FLRT1: variants seen among roughly 807,000 people sequenced by gnomAD.
FLRT1 encodes the protein leucine-rich repeat transmembrane protein FLRT1.
Under a neutral mutation model 30.9 loss-of-function variants are expected in FLRT1, and 14 were observed. The ratio of observed to expected loss-of-function variants is 0.45; its 90% CI spans 0.30 to 0.71. The LOEUF is 0.71. FLRT1 is among the 30% of genes least tolerant of loss of function. FLRT1 has a pLI of 0.08. For missense variants in FLRT1, 737 were observed against 949.2 expected, an observed-to-expected ratio of 0.78 and a Z score of 2.94; for synonymous variants, 368 against 430.4, an observed-to-expected ratio of 0.85 and a Z score of 1.80.
Position 64,118,184 on chromosome 11 carries a change from C to G in FLRT1, c.1917C>G (p.Phe639Leu). 6.2e-7 allele frequency: 1 copy of G among 1,613,480 alleles called. No homozygotes were observed. Among genetic ancestry groups the G allele is most frequent in the African/African-American group, 1.3e-5 (1 of 75,074 alleles). Residue 639 changes from phenylalanine to leucine, a missense_variant, in exon 3 of 3, where the codon TTC becomes TTG. Physicochemically the swap from Phe to Leu is conservative, Grantham distance 22 (BLOSUM62 0). Coordinates refer to ENST00000682287, the MANE Select transcript of FLRT1 (RefSeq NM_013280.5). Reference protein sequence around the residue: ...AKEEYVVHTIFPSNGSSLCKA... With the variant: ...AKEEYVVHTILPSNGSSLCKA... ...AAGAGTACGTGGTCCACACTATCTTCCCCTCCAACGGCAGCAGCCTCTGCA... is the reference window on the plus strand; with the variant it reads ...AAGAGTACGTGGTCCACACTATCTTGCCCTCCAACGGCAGCAGCCTCTGCA...
chr11:64,102,635 C>T (rs2134563273), intron 1 of FLRT1, among the ~76,000 whole-genome samples: 1 of 152,332 alleles, frequency 6.6e-6, no homozygotes, highest in East Asian at 1.9e-4. Flanking sequence ...CCAGTCCTTC[C>T]ACCCCCAGGG....
At chr11:64,095,143 AG>A (rs1484569043) in intron 1 of FLRT1, among the ~76,000 whole-genome samples, 1 of 152,236 alleles carries the variant, frequency 6.6e-6, no homozygotes, top group African/African-American at 2.4e-5. Context: ...AAGATGGGGA[AG>A]GAACGACATT....
chr11:64,047,625 G>A (rs1203314232), intron 1 of FLRT1, among the ~76,000 whole-genome samples: 2 of 152,064 alleles, frequency 1.3e-5, no homozygotes, highest in Non-Finnish European at 2.9e-5. Context: ...GGCCGGGCGC[G>A]GTGGCTTATG....
At chr11:64,111,829 G>A (rs1170296982) in intron 2 of FLRT1, among the ~76,000 whole-genome samples, 1 of 152,246 alleles carries the variant, frequency 6.6e-6, no homozygotes, top group Non-Finnish European at 1.5e-5. Context: ...GAGGTGGTCA[G>A]ATAAGGGTCA....
At chr11:64,105,397 G>A (rs566111582) in intron 2 of FLRT1, among the ~76,000 whole-genome samples, 1 of 152,332 alleles carries the variant, frequency 6.6e-6, no homozygotes, top group East Asian at 1.9e-4. Context: ...AGAAACAAAC[G>A]CTCTGGGCAG....
intron 1 of FLRT1, among the ~76,000 whole-genome samples, chr11:64,041,271 C>T (rs961857078): frequency 6.9e-6 from 1 of 144,730 alleles, no homozygotes; most frequent in Non-Finnish European, 1.5e-5. Context: ...GGAGGGAATG[C>T]CTTCCGTGAG....
At chr11:64,101,026 G>A (rs1171500323) in intron 1 of FLRT1, among the ~76,000 whole-genome samples, 1 of 152,130 alleles carries the variant, frequency 6.6e-6, no homozygotes, top group Admixed American at 6.5e-5. Context: ...CCAGGTGCTG[G>A]GGGATCCAGC....
At position 64,117,709 on chromosome 11, in the gene FLRT1, C is replaced by T. The variant is rs759925523; in HGVS notation, c.1442C>T (p.Thr481Met). ...LGHSPAVGSI[T>M]ETLVQGDKTE... Reference sequence around the variant, plus strand: ...CACAGCCCAGCCGTGGGCTCCATCACGGAGACCTTGGTGCAGGGGGACAAG... The same window carrying T: ...CACAGCCCAGCCGTGGGCTCCATCATGGAGACCTTGGTGCAGGGGGACAAG... Residue 481 changes from threonine (T) to methionine (M), a missense_variant, in exon 3 of 3, where the codon ACG becomes ATG. By Grantham distance (81) the Thr-to-Met change is moderately conservative. Coordinates refer to ENST00000682287, the MANE Select transcript of FLRT1 (RefSeq NM_013280.5). The T allele has an allele frequency of 8.7e-6, 14 of 1,613,588 alleles. No homozygotes were observed. Among genetic ancestry groups the T allele is most frequent in the South Asian group, 2.2e-5 (2 of 91,052 alleles).
rs1052005703 is a variant in FLRT1 at position 64,068,376 on chromosome 11, C to G, written c.-1038+32217C>G. ...CCTGGCAGGCTCAGGCCCAGCTGCC[C>G]GCATGCCCTAGTAGCTGTAAAATGG... On this transcript the variant is annotated intron_variant, in intron 1 of 2. Coordinates refer to ENST00000682287, the MANE Select transcript of FLRT1 (RefSeq NM_013280.5). Among the ~76,000 whole-genome samples the G allele has an allele frequency of 3.3e-5, 5 of 152,332 alleles. No individual in the cohort carries two copies. The East Asian group carries it at 9.6e-4, about 29-fold the overall frequency.
chr11:64,084,007 G>C (rs1054822193), intron 1 of FLRT1, among the ~76,000 whole-genome samples: 3 of 29,842 alleles, frequency 1.0e-4, no homozygotes, highest in African/African-American at 1.8e-4. Context: ...GCTGGGTTCC[G>C]GCCTTTCACT....
At chr11:64,108,313 C>CA (rs59331409) in intron 2 of FLRT1, among the ~76,000 whole-genome samples, 3,687 of 100,684 alleles carry the variant, frequency 0.037, 100 homozygotes, top group Middle Eastern at 0.089. Flanking sequence ...AACTCTGTCT[C>CA]AAAAAAAAAA....
chr11:64,063,546 C>T (rs1225638852), intron 1 of FLRT1, among the ~76,000 whole-genome samples: 1 of 152,182 alleles, frequency 6.6e-6, no homozygotes, highest in Non-Finnish European at 1.5e-5. Flanking sequence ...TCCGTTACTG[C>T]CCAGCAGCCA....
chr11:64,085,403 G>C (rs1041198965), intron 1 of FLRT1, among the ~76,000 whole-genome samples: 1 of 152,242 alleles, frequency 6.6e-6, no homozygotes, highest in Non-Finnish European at 1.5e-5. Context: ...CCTGCCTTCC[G>C]GGGACGGAGG....
chr11:64,104,383 C>T (rs1441891056), intron 2 of FLRT1, among the ~76,000 whole-genome samples: 1 of 152,050 alleles, frequency 6.6e-6, no homozygotes, highest in African/African-American at 2.4e-5. Context: ...TTCTGCTTGC[C>T]GGCATAAGCA....
chr11:64,076,539 CATAGTTGCTTCTCTAAG>C (rs917662587), intron 1 of FLRT1, among the ~76,000 whole-genome samples: 11 of 152,278 alleles, frequency 7.2e-5, no homozygotes, highest in African/African-American at 2.6e-4. Context: ...GGTCTGGAGA[CATAGTTGCTTCTCTAAG>C]TTCTCGGCCA....
intron 1 of FLRT1, among the ~76,000 whole-genome samples, chr11:64,042,756 G>A (rs1361905278): frequency 6.6e-6 from 1 of 152,196 alleles, no homozygotes; most frequent in African/African-American, 2.4e-5. Context: ...ACAAGGGGTT[G>A]GACCACTAGG....
intron 1 of FLRT1, among the ~76,000 whole-genome samples, chr11:64,081,131 T>C (rs913992601): frequency 1.3e-5 from 2 of 152,182 alleles, no homozygotes; most frequent in Non-Finnish European, 2.9e-5. Context: ...AGACAATTCT[T>C]CTGCCTCAGC....
chr11:64,089,533 C>T (rs1944453565), intron 1 of FLRT1, among the ~76,000 whole-genome samples: 2 of 152,340 alleles, frequency 1.3e-5, no homozygotes, highest in Non-Finnish European at 2.9e-5. Flanking sequence ...TCCTGTTATC[C>T]ATGCACTTTC....
chr11:64,056,173 C>A (rs568113167), intron 1 of FLRT1, among the ~76,000 whole-genome samples: 2 of 152,264 alleles, frequency 1.3e-5, no homozygotes, highest in Admixed American at 1.3e-4. Flanking sequence ...ATCTTTTGGG[C>A]TGTGCAGGCA....
Sources: allele counts gnomAD v4.1 joint callset (sites outside exome capture counted in the v4.1 genomes callset), GRCh38; gene constraint gnomAD v4.1.1; transcripts MANE v1.5; gene names NCBI Gene and HGNC (gene_info 2026-07-23, HGNC 2026-07-21).